Variants in ANKS1B observed in about 807,000 individuals in gnomAD.
ANKS1B encodes the protein ankyrin repeat and sterile alpha motif domain-containing protein 1B.
A neutral mutation model predicts 148.3 loss-of-function variants in ANKS1B; 36 were observed. The ratio of observed to expected loss-of-function variants is 0.24; its 90% CI spans 0.19 to 0.32. The LOEUF (loss-of-function observed/expected upper bound fraction) is 0.32. ANKS1B is among the 10% of genes least tolerant of loss of function. ANKS1B has a pLI of 1.00. For synonymous variants in ANKS1B, 542 were observed against 560.8 expected (o/e 0.97, Z 0.47); for missense variants, 1,157 against 1,542.6 (o/e 0.75, Z 4.19).
intron 12 of ANKS1B, chr12:99,343,729 G>A (rs2090266170): frequency 6.6e-6 from 1 of 151,906 alleles, no homozygotes; most frequent in South Asian, 2.1e-4. Flanking sequence ...CAATATTTTT[G>A]AAGAGTCATT....
intron 26 of ANKS1B, among the ~76,000 whole-genome samples, chr12:98,749,060 C>A (rs555627148): frequency 6.6e-6 from 1 of 152,252 alleles, no homozygotes; most frequent in Non-Finnish European, 1.5e-5. Flanking sequence ...GGCCTGGTTC[C>A]GGTGGTGACA....
intron 12 of ANKS1B, among the ~76,000 whole-genome samples, chr12:99,331,728 C>T (rs1271747113): frequency 6.6e-6 from 1 of 151,950 alleles, no homozygotes; most frequent in Non-Finnish European, 1.5e-5. Context: ...GAAGAGGCTT[C>T]TGAAAACTGG....
chr12:99,463,237 C>G (rs1225415607), intron 10 of ANKS1B, among the ~76,000 whole-genome samples: 1 of 152,228 alleles, frequency 6.6e-6, no homozygotes, highest in Non-Finnish European at 1.5e-5. Context: ...GGATGGAATA[C>G]AGTCTTCTGG....
intron 10 of ANKS1B, among the ~76,000 whole-genome samples, chr12:99,461,046 A>ACG (rs1273763355): frequency 1.4e-5 from 2 of 148,040 alleles, no homozygotes; most frequent in African/African-American, 5.2e-5. Flanking sequence ...GGATATATAC[A>ACG]TGTATATATA....
At chr12:98,748,702 CT>C (rs1205641209) in intron 26 of ANKS1B, among the ~76,000 whole-genome samples, 20 of 152,194 alleles carry the variant, frequency 1.3e-4, no homozygotes, top group Admixed American at 8.5e-4. Context: ...TCGAGGGGGA[CT>C]GATCTTGAAG....
chr12:99,311,861 T>C (rs1257705367), intron 12 of ANKS1B, among the ~76,000 whole-genome samples: 1 of 152,072 alleles, frequency 6.6e-6, no homozygotes. Flanking sequence ...TGAGGAGGCT[T>C]ATATTTAAAT....
intron 9 of ANKS1B, among the ~76,000 whole-genome samples, chr12:99,603,077 C>T (rs1018247939): frequency 6.6e-6 from 1 of 152,060 alleles, no homozygotes; most frequent in Non-Finnish European, 1.5e-5. Context: ...GAGTCTTGCT[C>T]TGTCGCCAGG....
chr12:99,904,990 T>G (rs2093728671), intron 1 of ANKS1B, among the ~76,000 whole-genome samples: 1 of 152,210 alleles, frequency 6.6e-6, no homozygotes, highest in Admixed American at 6.5e-5. Flanking sequence ...TTTGTTGAAC[T>G]AAAAGAAAAA....
At chr12:99,894,281 AAGGAAGGAAGGGAGGG>A (rs1395908998) in intron 1 of ANKS1B, among the ~76,000 whole-genome samples, 12 of 64,880 alleles carry the variant, frequency 1.8e-4, no homozygotes, top group African/African-American at 5.5e-4. Flanking sequence ...GAAAGGAAGG[AAGGAAGGAAGGGAGGG>A]AGGGAGGGAG....
chr12:99,677,841 C>T (rs2098588240), intron 8 of ANKS1B, among the ~76,000 whole-genome samples: 1 of 152,084 alleles, frequency 6.6e-6, no homozygotes, highest in African/African-American at 2.4e-5. Context: ...GGCGTGGTGG[C>T]ACGCGCCTGT....
At chr12:98,767,170 A>G (rs1290239607) in intron 25 of ANKS1B, among the ~76,000 whole-genome samples, 1 of 152,148 alleles carries the variant, frequency 6.6e-6, no homozygotes, top group Non-Finnish European at 1.5e-5. Context: ...GCAAACTCAT[A>G]GCAGAGCCAA....
At chr12:98,879,343 C>T (rs918579424) in intron 17 of ANKS1B, among the ~76,000 whole-genome samples, 1 of 152,110 alleles carries the variant, frequency 6.6e-6, no homozygotes, top group Admixed American at 6.5e-5. Flanking sequence ...TACAGATGAG[C>T]AAAATAAGTC....
intron 1 of ANKS1B, among the ~76,000 whole-genome samples, chr12:99,868,961 G>A (rs1306804423): frequency 6.6e-6 from 1 of 152,120 alleles, no homozygotes; most frequent in African/African-American, 2.4e-5. Context: ...GGAGGCTAAG[G>A]CATGAGAATA....
chr12:99,804,774 T>A (rs1321451170), intron 4 of ANKS1B, among the ~76,000 whole-genome samples: 3 of 152,182 alleles, frequency 2.0e-5, no homozygotes, highest in Non-Finnish European at 4.4e-5. Flanking sequence ...GTTGCCTTTA[T>A]GACTTGCTTC....
At chr12:99,792,336 T>A (rs1022358174) in intron 4 of ANKS1B, among the ~76,000 whole-genome samples, 2 of 151,908 alleles carry the variant, frequency 1.3e-5, no homozygotes, top group Non-Finnish European at 2.9e-5. Flanking sequence ...ATACCAATCC[T>A]ATTCAAACTG....
At chr12:99,946,526 C>A (rs1355380948) in intron 1 of ANKS1B, among the ~76,000 whole-genome samples, 1 of 152,112 alleles carries the variant, frequency 6.6e-6, no homozygotes, top group Non-Finnish European at 1.5e-5. Flanking sequence ...CTCATGACCT[C>A]ATCTAAACCT....
intron 8 of ANKS1B, among the ~76,000 whole-genome samples, chr12:99,749,070 C>T (rs1309154441): frequency 6.6e-6 from 1 of 152,104 alleles, no homozygotes; most frequent in African/African-American, 2.4e-5. Context: ...GACACAAGCC[C>T]ATTTCAAGGC....
At chr12:98,785,840 G>A (rs1397505676) in intron 22 of ANKS1B, among the ~76,000 whole-genome samples, 2 of 152,152 alleles carry the variant, frequency 1.3e-5, no homozygotes, top group African/African-American at 4.8e-5. Flanking sequence ...AAAAATTCAA[G>A]CTTTATTGAT....
At chr12:99,369,836 A>G in intron 12 of ANKS1B, among the ~76,000 whole-genome samples, 1 of 135,818 alleles carries the variant, frequency 7.4e-6, no homozygotes. Context: ...ACGGATAGAC[A>G]GACAGACAGA....
Sources: allele counts gnomAD v4.1 joint callset (sites outside exome capture counted in the v4.1 genomes callset), GRCh38; gene constraint gnomAD v4.1.1; transcripts MANE v1.5; gene names NCBI Gene and HGNC (gene_info 2026-07-23, HGNC 2026-07-21).